The following DDX10 variants were observed in gnomAD, a reference collection of about 807,000 sequenced individuals.
The protein encoded by DDX10 is DEAD-box helicase 10, also known as probable ATP-dependent RNA helicase DDX10.
Under a neutral mutation model 104.3 loss-of-function variants are expected in DDX10, and 74 were observed. That is an observed-to-expected ratio of 0.71 (90% CI 0.59 to 0.86). The LOEUF (loss-of-function observed/expected upper bound fraction) is 0.86. Among genes scored for constraint, DDX10 ranks in the 40% least tolerant of loss-of-function variants. The pLI is 0.00. For synonymous variants in DDX10, 351 were observed against 353.4 expected, an observed-to-expected ratio of 0.99 and a Z score of 0.08; for missense variants, 952 against 1,040.0, an observed-to-expected ratio of 0.92 and a Z score of 1.16.
Position 108,723,339 on chromosome 11 carries a change from G to C in DDX10, c.1842G>C (p.Gln614His). 1.9e-6 allele frequency: 3 copies of C among 1,613,980 alleles called. No homozygotes were observed. The highest frequency in any genetic ancestry group is 2.5e-6 in the Non-Finnish European group (3 of 1,179,928). Reference protein sequence around the residue: ...APSLPNTSEAQKIKEVPTQFL... With the variant: ...APSLPNTSEAHKIKEVPTQFL... ...CTCTTCCTAACACCAGTGAGGCACA[G>C]AAGATCAAGGAAGTTCCTACACAGT... is the stretch of plus-strand genomic sequence containing the variant. Residue 614 changes from glutamine (Q) to histidine (H), a missense_variant, in exon 13 of 18, where the codon CAG becomes CAC. Around this residue, in one of 3 missense-constraint regions of DDX10, gnomAD observed 533 missense variants for 534.1 expected, o/e 1.00. Coordinates refer to ENST00000322536, the MANE Select transcript of DDX10 (RefSeq NM_004398.4).
At chr11:108,873,982 G>T (rs1167657151) in intron 16 of DDX10, among the ~76,000 whole-genome samples, 5 of 152,062 alleles carry the variant, frequency 3.3e-5, no homozygotes, top group Non-Finnish European at 7.4e-5. Context: ...AGGTGTTGTC[G>T]CTAACCAAGT....
At chr11:108,832,821 G>A (rs987039861) in intron 13 of DDX10, among the ~76,000 whole-genome samples, 2 of 152,174 alleles carry the variant, frequency 1.3e-5, no homozygotes, top group African/African-American at 4.8e-5. Flanking sequence ...AAAAGCACAT[G>A]TGTATGAATA....
intron 13 of DDX10, chr11:108,822,583 T>A (rs1168349856): frequency 1.5e-5 from 3 of 194,450 alleles, no homozygotes; most frequent in East Asian, 3.2e-4. Flanking sequence ...CTGGCCTCCC[T>A]TTTGCATTGT....
intron 6 of DDX10, among the ~76,000 whole-genome samples, chr11:108,685,051 T>C (rs1031447485): frequency 2.1e-5 from 3 of 142,562 alleles, no homozygotes; most frequent in African/African-American, 7.9e-5. Flanking sequence ...TGGGGTTGTT[T>C]GTTTTTTTCT....
Position 108,679,559 on chromosome 11 carries a change from A to T in DDX10, c.847A>T (p.Ser283Cys). The T allele has an allele frequency of 6.3e-7, 1 of 1,576,966 alleles. No individual in the cohort carries two copies. ...YVWVHEKAKYSTPATLEQNYI... is the reference protein window; with the variant it reads ...YVWVHEKAKYCTPATLEQNYI... The stretch of plus-strand genomic sequence containing the variant: ...CTGGGTTCATGAAAAAGCAAAATAT[A>T]GGTATGTACTCTTTGAGTCAATCAA... Residue 283 changes from serine to cysteine, a missense_variant and splice_region_variant, in exon 6 of 18, where the codon AGC (serine) becomes TGC (cysteine). Coordinates refer to ENST00000322536, the MANE Select transcript of DDX10 (RefSeq NM_004398.4).
rs1046707320 is a variant in DDX10, at chr11:108,853,902, T to C, written c.2304+1693T>C. Among the ~76,000 whole-genome samples the C allele has an allele frequency of 3.3e-5, 5 of 152,228 alleles. No homozygotes were observed. In the East Asian group the frequency reaches 9.6e-4, roughly 29 times the overall value. On this transcript the variant is annotated intron_variant, in intron 16 of 17. Coordinates refer to ENST00000322536, the MANE Select transcript of DDX10 (RefSeq NM_004398.4). ...CTAAGAACAGAAAGAAGAGCTGACA[T>C]GGCTTTGCAGCTCAGCCAGGAGCTT...
intron 7 of DDX10, among the ~76,000 whole-genome samples, chr11:108,691,358 G>A (rs556048883): frequency 3.9e-5 from 6 of 152,282 alleles, no homozygotes; most frequent in African/African-American, 1.2e-4. Context: ...TTTCAGTCTA[G>A]TAATCCATAG....
At chr11:108,671,115 A>G (rs112338672) in intron 1 of DDX10, among the ~76,000 whole-genome samples, 5 of 152,280 alleles carry the variant, frequency 3.3e-5, no homozygotes, top group African/African-American at 1.2e-4. Flanking sequence ...TATGAGTATT[A>G]TGGAGATGTA....
chr11:108,757,276 T>TA (rs2094345595), intron 13 of DDX10, among the ~76,000 whole-genome samples: 2 of 152,086 alleles, frequency 1.3e-5, no homozygotes, highest in African/African-American at 2.4e-5. Flanking sequence ...GTTTCCGACT[T>TA]ACAAAAACTG....
chr11:108,674,870 C>CATCT (rs1412217484), intron 2 of DDX10, among the ~76,000 whole-genome samples: 2 of 152,176 alleles, frequency 1.3e-5, no homozygotes, highest in Non-Finnish European at 2.9e-5. Context: ...GTTTGATGAA[C>CATCT]ATCTTCCCAC....
At chr11:108,688,278 A>T (rs2094247411) in intron 6 of DDX10, among the ~76,000 whole-genome samples, 1 of 152,198 alleles carries the variant, frequency 6.6e-6, no homozygotes, top group South Asian at 2.1e-4. Flanking sequence ...TTTCTCCAAC[A>T]TTTTATAATG....
At chr11:108,669,742 A>C (rs192173296) in intron 1 of DDX10, among the ~76,000 whole-genome samples, 1 of 152,204 alleles carries the variant, frequency 6.6e-6, no homozygotes, top group Non-Finnish European at 1.5e-5. Flanking sequence ...GGTGGGCCCA[A>C]TGTAATCACA....
At chr11:108,924,051 G>C (rs1863876057) in intron 17 of DDX10, among the ~76,000 whole-genome samples, 1 of 151,788 alleles carries the variant, frequency 6.6e-6, no homozygotes, top group Non-Finnish European at 1.5e-5. Context: ...TATCATGTTT[G>C]GTTTTTGGCC....
At chr11:108,693,674 A>G in intron 9 of DDX10, 74 bp downstream of exon 9, 1 of 1,202,736 alleles carries the variant, frequency 8.3e-7, no homozygotes, top group East Asian at 2.3e-5. Context: ...ACTGCAGATA[A>G]ACGAAGAAAG....
At chr11:108,857,006 A>T (rs1862879352) in intron 16 of DDX10, among the ~76,000 whole-genome samples, 1 of 152,222 alleles carries the variant, frequency 6.6e-6, no homozygotes, top group African/African-American at 2.4e-5. Context: ...AAATGTATAC[A>T]TACATAGCTA....
chr11:108,778,326 G>A (rs2094372945), intron 13 of DDX10, among the ~76,000 whole-genome samples: 1 of 152,182 alleles, frequency 6.6e-6, no homozygotes, highest in Admixed American at 6.5e-5. Flanking sequence ...AAACAGCATG[G>A]TACTGGTACC....
chr11:108,901,994 A>G (rs1393150422), intron 16 of DDX10, among the ~76,000 whole-genome samples: 1 of 152,222 alleles, frequency 6.6e-6, no homozygotes, highest in Non-Finnish European at 1.5e-5. Flanking sequence ...TTGACAGAAT[A>G]ATGAAAGGAC....
intron 13 of DDX10, among the ~76,000 whole-genome samples, chr11:108,769,547 C>G (rs1262534354): frequency 6.6e-6 from 1 of 152,040 alleles, no homozygotes; most frequent in African/African-American, 2.4e-5. Context: ...TCACATAATT[C>G]TATTATCTAA....
At chr11:108,764,784 T>G (rs1006185953) in intron 13 of DDX10, among the ~76,000 whole-genome samples, 1 of 152,238 alleles carries the variant, frequency 6.6e-6, no homozygotes, top group Non-Finnish European at 1.5e-5. Context: ...AGCATTACTT[T>G]CTTTGATTTT....
Sources: allele counts gnomAD v4.1 joint callset (sites outside exome capture counted in the v4.1 genomes callset), GRCh38; gene constraint gnomAD v4.1.1; regional missense constraint gnomAD v4.1.1; transcripts MANE v1.5; gene names NCBI Gene and HGNC (gene_info 2026-07-23, HGNC 2026-07-21).